The following BCKDHB variants were observed in gnomAD, a reference collection of about 807,000 sequenced individuals.
The protein encoded by BCKDHB is 2-oxoisovalerate dehydrogenase subunit beta, mitochondrial.
A neutral mutation model predicts 48.5 loss-of-function variants in BCKDHB; 41 were observed. That is an observed-to-expected ratio of 0.85 (90% CI 0.66 to 1.10). The LOEUF is 1.10. BCKDHB is among the 50% of genes least tolerant of loss of function. The probability of loss-of-function intolerance (pLI) is 0.00; values close to 1 mark genes in which losing one functional copy is unlikely to be tolerated. For synonymous variants in BCKDHB, 201 were observed against 174.8 expected (o/e 1.15, Z -1.18); for missense variants, 496 against 494.2 (o/e 1.00, Z -0.03).
chr6:80,301,817 C>A (rs996372642), intron 9 of BCKDHB, among the ~76,000 whole-genome samples: 1 of 152,116 alleles, frequency 6.6e-6, no homozygotes, highest in East Asian at 1.9e-4. Context: ...AGGCTTTATT[C>A]CTGGGATACA....
At chr6:80,275,791 T>G (rs1006616487) in intron 9 of BCKDHB, among the ~76,000 whole-genome samples, 8 of 151,916 alleles carry the variant, frequency 5.3e-5, no homozygotes, top group African/African-American at 1.9e-4. Flanking sequence ...TGTATTGAGC[T>G]TCCTCTCTAT....
At chr6:80,459,325 T>A in the BCKDHB span, among the ~76,000 whole-genome samples, 1 of 152,106 alleles carries the variant, frequency 6.6e-6, no homozygotes, top group East Asian at 1.9e-4. Context: ...TTCTTTAAGA[T>A]GCAATAATAT....
chr6:80,238,812 C>T (rs1415817687), intron 8 of BCKDHB, among the ~76,000 whole-genome samples: 1 of 152,032 alleles, frequency 6.6e-6, no homozygotes, highest in African/African-American at 2.4e-5. Flanking sequence ...CAAGTATTCT[C>T]ATTGTTCAAT....
chr6:80,298,829 A>T (rs1326489290), intron 9 of BCKDHB, among the ~76,000 whole-genome samples: 1 of 152,194 alleles, frequency 6.6e-6, no homozygotes, highest in Non-Finnish European at 1.5e-5. Flanking sequence ...GCCAACGCTG[A>T]ATCAGAAGTT....
At chr6:80,447,486 A>G in the BCKDHB span, among the ~76,000 whole-genome samples, 3 of 149,808 alleles carry the variant, frequency 2.0e-5, no homozygotes, top group Admixed American at 2.0e-4. Context: ...GTTTATATAT[A>G]CTATTTATAT....
the BCKDHB span, among the ~76,000 whole-genome samples, chr6:80,410,455 G>A: frequency 6.6e-6 from 1 of 152,116 alleles, no homozygotes; most frequent in Non-Finnish European, 1.5e-5. Context: ...GAGTATCTTT[G>A]TGGTGTTCTC....
chr6:80,322,808 A>G (rs1768803323), intron 9 of BCKDHB, among the ~76,000 whole-genome samples: 2 of 149,256 alleles, frequency 1.3e-5, no homozygotes, highest in Non-Finnish European at 3.0e-5. Context: ...TGTTAAACTA[A>G]CTCTTGCATT....
chr6:80,402,116 A>G, the BCKDHB span, among the ~76,000 whole-genome samples: 3 of 151,652 alleles, frequency 2.0e-5, no homozygotes, highest in African/African-American at 4.8e-5. Context: ...TTTTATTTTT[A>G]TTTTTGGGTA....
chr6:80,417,309 C>T, the BCKDHB span, among the ~76,000 whole-genome samples: 7 of 151,978 alleles, frequency 4.6e-5, no homozygotes, highest in Non-Finnish European at 7.4e-5. Flanking sequence ...TAGCTTGCCA[C>T]TCTGTGTCTT....
At chr6:80,372,112 A>C in the BCKDHB span, among the ~76,000 whole-genome samples, 1 of 152,168 alleles carries the variant, frequency 6.6e-6, no homozygotes, top group South Asian at 2.1e-4. Context: ...CCCACCCGTA[A>C]GTATGGGATG....
chr6:80,329,727 G>A (rs768361893), intron 9 of BCKDHB, among the ~76,000 whole-genome samples: 1 of 152,130 alleles, frequency 6.6e-6, no homozygotes, highest in African/African-American at 2.4e-5. Flanking sequence ...CCTGGCAGGA[G>A]TGCTTCTCCT....
the BCKDHB span, among the ~76,000 whole-genome samples, chr6:80,434,581 G>T: frequency 6.6e-6 from 1 of 151,864 alleles, no homozygotes; most frequent in Admixed American, 6.6e-5. Context: ...TTTCATTAAA[G>T]GTTGTTAAAT....
chr6:80,214,478 C>G (rs1775078185), intron 8 of BCKDHB, among the ~76,000 whole-genome samples: 1 of 152,050 alleles, frequency 6.6e-6, no homozygotes, highest in Admixed American at 6.5e-5. Context: ...TGACTGAATA[C>G]TAGCTATTTT....
the BCKDHB span, among the ~76,000 whole-genome samples, chr6:80,368,457 A>C: frequency 6.6e-6 from 1 of 152,156 alleles, no homozygotes; most frequent in African/African-American, 2.4e-5. Flanking sequence ...CCATATCCTT[A>C]TTTCTTTTCA....
intron 9 of BCKDHB, among the ~76,000 whole-genome samples, chr6:80,302,560 T>C (rs1318066060): frequency 6.6e-6 from 1 of 152,162 alleles, no homozygotes; most frequent in Admixed American, 6.5e-5. Flanking sequence ...AATGCTGACT[T>C]TCCTGGCAAA....
the BCKDHB span, among the ~76,000 whole-genome samples, chr6:80,438,630 T>C: frequency 6.6e-6 from 1 of 152,324 alleles, no homozygotes; most frequent in Non-Finnish European, 1.5e-5. Flanking sequence ...TTATATTACA[T>C]ATAAATGAAA....
intron 9 of BCKDHB, among the ~76,000 whole-genome samples, chr6:80,305,791 T>C (rs1376627149): frequency 1.3e-5 from 2 of 152,106 alleles, no homozygotes; most frequent in Non-Finnish European, 2.9e-5. Context: ...TGGGACCAGA[T>C]GAGGTTGATT....
chr6:80,208,224 C>G (rs1457833684), intron 8 of BCKDHB, among the ~76,000 whole-genome samples: 1 of 151,706 alleles, frequency 6.6e-6, no homozygotes, highest in Non-Finnish European at 1.5e-5. Context: ...GTACCTTACT[C>G]TAAATAACCG....
the BCKDHB span, among the ~76,000 whole-genome samples, chr6:80,371,030 G>T: frequency 6.6e-6 from 1 of 152,026 alleles, no homozygotes; most frequent in Admixed American, 6.6e-5. Context: ...GGATCAAATG[G>T]TATATCTGCT....
Sources: gnomAD v4.1 joint callset for allele counts (sites outside exome capture counted in the v4.1 genomes callset) on GRCh38, gnomAD v4.1.1 for gene constraint, MANE v1.5 for transcripts, NCBI Gene and HGNC (gene_info 2026-07-23, HGNC 2026-07-21) for gene names.